STK31: variants seen among roughly 807,000 people sequenced by gnomAD.
STK31 encodes the protein serine/threonine kinase 31.
STK31 carries 89 observed loss-of-function variants against 129.7 expected under a neutral mutation model. The observed-to-expected ratio is 0.69, with a 90% CI of 0.58 to 0.82. STK31 has a LOEUF of 0.82. STK31 is among the 40% of genes least tolerant of loss of function. The probability of loss-of-function intolerance (pLI) is 0.00; values close to 1 mark genes in which losing one functional copy is unlikely to be tolerated. For synonymous variants in STK31, 448 were observed against 395.3 expected, an observed-to-expected ratio of 1.13 and a Z score of -1.58; for missense variants, 1,187 against 1,176.4, an observed-to-expected ratio of 1.01 and a Z score of -0.13.
chr7:23,738,538 C>T (rs766152441), intron 8 of STK31, among the ~76,000 whole-genome samples: 15 of 152,078 alleles, frequency 9.9e-5, no homozygotes, highest in Non-Finnish European at 2.1e-4. Context: ...TAGGTATGTG[C>T]CCCATTCCTG....
intron 21 of STK31, among the ~76,000 whole-genome samples, chr7:23,789,682 C>T: frequency 6.6e-6 from 1 of 152,066 alleles, no homozygotes; most frequent in East Asian, 1.9e-4. Flanking sequence ...TTAAGATATC[C>T]TAAGAAATAT....
intron 18 of STK31, 37 bp from the exon 19 acceptor site, chr7:23,786,471 A>T: frequency 6.4e-7 from 1 of 1,561,780 alleles, no homozygotes; most frequent in Non-Finnish European, 8.6e-7. Context: ...TGAGATTTTC[A>T]TCTTGGAATT....
chr7:23,790,983 A>G (rs1234118002), intron 22 of STK31, 37 bp downstream of exon 22: 6 of 1,397,980 alleles, frequency 4.3e-6, no homozygotes, highest in African/African-American at 3.0e-5. Context: ...TCATATATAT[A>G]TATATTTCAG....
intron 4 of STK31, 83 bp downstream of exon 4, chr7:23,717,662 G>A: frequency 9.4e-7 from 1 of 1,069,004 alleles, no homozygotes; most frequent in Non-Finnish European, 1.4e-6. Context: ...TGGAGTTCCT[G>A]GTATATTTGA....
intron 7 of STK31, among the ~76,000 whole-genome samples, chr7:23,736,697 T>G (rs377030233): frequency 1.3e-5 from 2 of 152,202 alleles, no homozygotes. Context: ...TTTTGAGAAT[T>G]AGAGGCATTA....
chr7:23,779,307 G>C (rs1790761059), intron 15 of STK31, among the ~76,000 whole-genome samples: 1 of 152,166 alleles, frequency 6.6e-6, no homozygotes, highest in South Asian at 2.1e-4. Flanking sequence ...CCAGTCAGGA[G>C]GATGGGGGTC....
chr7:23,715,166 G>C (rs1027497127), intron 3 of STK31, among the ~76,000 whole-genome samples: 5 of 151,978 alleles, frequency 3.3e-5, no homozygotes, highest in Admixed American at 3.3e-4. Flanking sequence ...GGAAATACGC[G>C]TAGGCAGATT....
At chr7:23,811,663 T>C (rs1056062429) in intron 22 of STK31, 2 of 157,140 alleles carry the variant, frequency 1.3e-5, no homozygotes, top group Non-Finnish European at 2.8e-5. Flanking sequence ...AGTGCTCGCT[T>C]ATAGCAGAAG....
intron 17 of STK31, among the ~76,000 whole-genome samples, chr7:23,784,283 G>A (rs187489108): frequency 2.6e-5 from 4 of 152,238 alleles, no homozygotes; most frequent in Admixed American, 2.0e-4. Flanking sequence ...AGATTGTCAC[G>A]AAGTCCATTA....
chr7:23,710,117 C>G (rs1356746581), upstream of STK31: 5 of 1,208,770 alleles, frequency 4.1e-6, no homozygotes, highest in Admixed American at 8.9e-5. Context: ...AGGCGGCTCC[C>G]GCACGCTTCT....
At chr7:23,740,584 T>C (rs999974966) in intron 8 of STK31, among the ~76,000 whole-genome samples, 1 of 152,152 alleles carries the variant, frequency 6.6e-6, no homozygotes, top group Non-Finnish European at 1.5e-5. Context: ...CATGTTGGTG[T>C]GCTGCACCCA....
chr7:23,804,302 T>A (rs1264185426), intron 22 of STK31, among the ~76,000 whole-genome samples: 15 of 152,158 alleles, frequency 9.9e-5, no homozygotes, highest in Admixed American at 9.8e-4. Context: ...GTTACCATAT[T>A]ATACACTTAT....
intron 22 of STK31, among the ~76,000 whole-genome samples, chr7:23,795,120 C>T (rs1444882013): frequency 2.0e-5 from 3 of 152,192 alleles, no homozygotes; most frequent in African/African-American, 4.8e-5. Flanking sequence ...CAGAAAGCTT[C>T]GCAGCAGCCC....
intron 6 of STK31, among the ~76,000 whole-genome samples, chr7:23,730,876 A>ATTTTTTTTTTTT (rs1490417846): frequency 1.7e-5 from 1 of 59,976 alleles, no homozygotes; most frequent in African/African-American, 5.0e-5. Context: ...ATATATATAT[A>ATTTTTTTTTTTT]TATTTTTTTT....
At chr7:23,719,258 G>A (rs755501760) in intron 4 of STK31, among the ~76,000 whole-genome samples, 2 of 152,022 alleles carry the variant, frequency 1.3e-5, no homozygotes, top group Non-Finnish European at 2.9e-5. Flanking sequence ...ATGACAAAAA[G>A]TATGCAATGA....
intron 10 of STK31, among the ~76,000 whole-genome samples, chr7:23,759,442 A>G (rs765151308): frequency 1.9e-4 from 29 of 152,382 alleles, no homozygotes; most frequent in Middle Eastern, 3.4e-3. Flanking sequence ...CTCAGATCAC[A>G]GTGTAATCAA....
At chr7:23,830,792 G>A (rs1201726254) in intron 23 of STK31, among the ~76,000 whole-genome samples, 1 of 152,014 alleles carries the variant, frequency 6.6e-6, no homozygotes, top group Non-Finnish European at 1.5e-5. Context: ...TCTAATGTTT[G>A]TATTTTTAGT....
chr7:23,815,155 A>C lies in STK31; in HGVS notation c.2772A>C (p.Gln924His). 1.2e-6 allele frequency: 2 copies of C among 1,601,976 alleles called. No individual in the cohort carries two copies. Among genetic ancestry groups the C allele is most frequent in the South Asian group, 2.2e-5 (2 of 88,906 alleles). ...YGCLLLWLSV[Q>H]NQEFEINKDG... is the part of the protein sequence containing the mutation. ...ACTTTCTTTCACAGCTTTCTGTTCA[A>C]AATCAGGAGTTTGAGATAAATAAAG... The change falls in exon 23 of 24, where the codon CAA becomes CAC. Residue 924 changes from glutamine (Q) to histidine (H), a missense_variant. Gln to His is a conservative substitution (Grantham distance 24, BLOSUM62 0). Around this residue, in one of 5 missense-constraint regions of STK31, gnomAD observed 975 missense variants for 934.9 expected, o/e 1.04. Transcript: ENST00000355870.
At chr7:23,717,387 AAATCTTTT>A in intron 3 of STK31, 86 bp from the exon 4 acceptor site, 1 of 727,336 alleles carries the variant, frequency 1.4e-6, no homozygotes, top group Admixed American at 3.6e-5. Context: ...TAATGGCCTA[AAATCTTTT>A]AAGTTTATCA....
Sources: allele counts gnomAD v4.1 joint callset (sites outside exome capture counted in the v4.1 genomes callset), GRCh38; gene constraint gnomAD v4.1.1; regional missense constraint gnomAD v4.1.1; transcripts MANE v1.5; gene names NCBI Gene and HGNC (gene_info 2026-07-23, HGNC 2026-07-21).